EIF2B3: variants seen among roughly 807,000 people sequenced by gnomAD.
EIF2B3 encodes the protein eukaryotic translation initiation factor 2B subunit gamma.
EIF2B3 carries 20 observed loss-of-function variants against 54.1 expected under a neutral mutation model. The observed-to-expected ratio is 0.37, with a 90% CI of 0.26 to 0.54. EIF2B3 has a LOEUF of 0.54. Among genes scored for constraint, EIF2B3 ranks in the 20% least tolerant of loss-of-function variants. EIF2B3 has a pLI of 0.86. For missense variants in EIF2B3, 448 were observed against 547.8 expected, an observed-to-expected ratio of 0.82 and a Z score of 1.82; for synonymous variants, 153 against 188.1, an observed-to-expected ratio of 0.81 and a Z score of 1.52.
intron 5 of EIF2B3, among the ~76,000 whole-genome samples, chr1:44,903,690 G>T (rs538214532): frequency 1.3e-5 from 2 of 152,338 alleles, no homozygotes; most frequent in East Asian, 3.9e-4. Context: ...GAATGAGACC[G>T]TAAGAATTTC....
At chr1:44,858,477 A>T (rs193023901) in intron 10 of EIF2B3, among the ~76,000 whole-genome samples, 31 of 151,314 alleles carry the variant, frequency 2.0e-4, no homozygotes, top group African/African-American at 2.2e-4. Context: ...ATTCAAAAAA[A>T]TTTTTTTTTC....
chr1:44,985,232 G>C (rs1644560025), intron 1 of EIF2B3, among the ~76,000 whole-genome samples: 2 of 152,180 alleles, frequency 1.3e-5, no homozygotes, highest in South Asian at 4.1e-4. Context: ...CACTGCTACT[G>C]TTGCTTCCTA....
rs553059978 is a variant in EIF2B3, at chr1:44,884,364, C to A, written c.657-2625G>T. On this transcript the variant is annotated intron_variant, in intron 6 of 11. Coordinates refer to ENST00000360403, the MANE Select transcript of EIF2B3 (RefSeq NM_020365.5). ...TACTTCCCACCACCTCTCCCAGCCC[C>A]CATTCAAAGCTCTGCATGCTGACAC... Among the ~76,000 whole-genome samples, 7 of 152,228 alleles carry A rather than the reference C, an allele frequency of 4.6e-5. No individual in the cohort carries two copies. The East Asian group carries it at 1.2e-3, about 25-fold the overall frequency.
rs144477501 is a variant in EIF2B3 at position 44,946,399 on chromosome 1, GAAGA to G, written c.295-4738_295-4735del. ...ATTTCCAAAGCTGGAAATCTCAGAA[GAAGA>G]AAGAAAGGAAAGCTAAATCACACTT... is the stretch of plus-strand genomic sequence containing the variant. On this transcript the variant is annotated intron_variant, in intron 3 of 11. Transcript: ENST00000360403. 5.4e-3 allele frequency among the ~76,000 whole-genome samples: 813 copies of G among 151,374 alleles called. 34 individuals are homozygous for G. The East Asian group carries it at 0.11, about 21-fold the overall frequency.
chr1:44,866,390 T>G (rs1654779310), intron 10 of EIF2B3, among the ~76,000 whole-genome samples: 1 of 145,692 alleles, frequency 6.9e-6, no homozygotes. Context: ...AGAATGAGAT[T>G]CTGTCTCAAA....
chr1:44,986,291 C>T (rs1644576747), intron 1 of EIF2B3, among the ~76,000 whole-genome samples: 1 of 152,132 alleles, frequency 6.6e-6, no homozygotes, highest in African/African-American at 2.4e-5. Flanking sequence ...AAACTTAGTT[C>T]CTCCATCTGT....
intron 1 of EIF2B3, among the ~76,000 whole-genome samples, chr1:44,982,951 G>A (rs982299692): frequency 2.0e-5 from 3 of 152,072 alleles, no homozygotes; most frequent in Admixed American, 1.3e-4. Flanking sequence ...TGTATTTTTA[G>A]TAGAGACAGG....
At chr1:44,865,850 G>A (rs574612554) in intron 10 of EIF2B3, among the ~76,000 whole-genome samples, 3 of 152,180 alleles carry the variant, frequency 2.0e-5, no homozygotes, top group Admixed American at 2.0e-4. Context: ...TTACAGGCAT[G>A]AGCCACTGAG....
rs533054732 is a variant in EIF2B3, at chr1:44,891,904, A to G, written c.656+5451T>C. ...TGATAGGTATTACTATTCTTATTTT[A>G]TGTTTTGTAATTTTTGTAGAGATGG... is the stretch of plus-strand genomic sequence containing the variant. On this transcript the variant is annotated intron_variant, in intron 6 of 11. Transcript: ENST00000360403. 3.3e-5 allele frequency among the ~76,000 whole-genome samples: 5 copies of G among 152,058 alleles called. No individual in the cohort carries two copies. In the East Asian group the frequency reaches 9.7e-4, roughly 29 times the overall value.
At chr1:44,914,720 G>A (rs917709291) in intron 5 of EIF2B3, among the ~76,000 whole-genome samples, 8 of 151,154 alleles carry the variant, frequency 5.3e-5, no homozygotes, top group African/African-American at 7.3e-5. Flanking sequence ...ACGGAGTCTC[G>A]CTCTGTCACC....
chr1:44,865,343 T>A (rs1371619217), intron 10 of EIF2B3, among the ~76,000 whole-genome samples: 2 of 152,222 alleles, frequency 1.3e-5, no homozygotes, highest in Non-Finnish European at 2.9e-5. Context: ...TTTCTTTGGT[T>A]CACCCATGTT....
chr1:44,939,229 C>A (rs893319672), intron 4 of EIF2B3, among the ~76,000 whole-genome samples: 2 of 151,240 alleles, frequency 1.3e-5, no homozygotes, highest in African/African-American at 4.9e-5. Flanking sequence ...GGCAAGAATT[C>A]AAACTCTTTC....
At chr1:44,864,767 A>G (rs1350716150) in intron 10 of EIF2B3, among the ~76,000 whole-genome samples, 2 of 152,204 alleles carry the variant, frequency 1.3e-5, no homozygotes, top group South Asian at 2.1e-4. Flanking sequence ...ATGCTTTTAC[A>G]TAGCAACCAT....
intron 3 of EIF2B3, among the ~76,000 whole-genome samples, chr1:44,977,680 G>T (rs1278448966): frequency 1.3e-5 from 2 of 152,110 alleles, no homozygotes; most frequent in Non-Finnish European, 2.9e-5. Context: ...GACCAGGCTG[G>T]TCTCAAACTC....
intron 10 of EIF2B3, among the ~76,000 whole-genome samples, chr1:44,871,292 T>C (rs1276380380): frequency 6.6e-6 from 1 of 152,214 alleles, no homozygotes; most frequent in Admixed American, 6.5e-5. Flanking sequence ...ATTGCCTTAG[T>C]TTAGGACCTC....
At chr1:44,862,380 G>C (rs957265566) in intron 10 of EIF2B3, among the ~76,000 whole-genome samples, 7 of 152,150 alleles carry the variant, frequency 4.6e-5, no homozygotes, top group African/African-American at 1.7e-4. Context: ...CAGTGGAAAG[G>C]AGGCCATGAG....
chr1:44,850,981 G>T lies in EIF2B3; in HGVS notation c.1329C>A (p.Ile443=), dbSNP rs1654249878. The change falls in exon 12 of 12, where the codon ATC becomes ATA. Residue 443 remains isoleucine, a synonymous_variant. Coordinates refer to ENST00000360403, the MANE Select transcript of EIF2B3 (RefSeq NM_020365.5). ...EAKAKRVNEV[I]VGNDQLMEI is the part of the protein sequence containing the mutation. ...TCTCCATGAGCTGGTCATTCCCCAC[G>T]ATCACCTCATTCACTCGTTTAGCTA... The T allele has an allele frequency of 6.2e-7, 1 of 1,613,864 alleles. No individual in the cohort carries two copies. The highest frequency in any genetic ancestry group is 8.5e-7 in the Non-Finnish European group (1 of 1,180,016).
At chr1:44,985,477 A>G (rs909693059) in intron 1 of EIF2B3, among the ~76,000 whole-genome samples, 4 of 152,228 alleles carry the variant, frequency 2.6e-5, no homozygotes, top group Non-Finnish European at 5.9e-5. Flanking sequence ...ATGTCTACAT[A>G]AGAGTGTAAG....
intron 10 of EIF2B3, among the ~76,000 whole-genome samples, chr1:44,860,228 C>G (rs1654567016): frequency 6.6e-6 from 1 of 152,124 alleles, no homozygotes; most frequent in Non-Finnish European, 1.5e-5. Flanking sequence ...TGACTCACTG[C>G]AGCCTCCATC....
Sources: allele counts gnomAD v4.1 joint callset (sites outside exome capture counted in the v4.1 genomes callset), GRCh38; gene constraint gnomAD v4.1.1; transcripts MANE v1.5; gene names NCBI Gene and HGNC (gene_info 2026-07-23, HGNC 2026-07-21).